The following MTPN variants were observed in gnomAD, a reference collection of about 807,000 sequenced individuals.
The protein encoded by MTPN is granule cell differentiation protein.
In MTPN, 2 loss-of-function variants were observed where a neutral mutation model predicts 13.5. The observed-to-expected ratio is 0.15, with a 90% CI of 0.06 to 0.47. MTPN has a LOEUF of 0.47. Among genes scored for constraint, MTPN ranks in the 20% least tolerant of loss-of-function variants. MTPN has a pLI of 0.97. For synonymous variants in MTPN, 46 were observed against 51.7 expected (o/e 0.89, Z 0.48); for missense variants, 79 against 137.9 (o/e 0.57, Z 2.14).
At chr7:135,960,388 T>C (rs1016234811) in intron 1 of MTPN, among the ~76,000 whole-genome samples, 7 of 152,022 alleles carry the variant, frequency 4.6e-5, no homozygotes, top group African/African-American at 1.2e-4. Context: ...CCTTAGGCAA[T>C]AGAGAATATA....
intron 1 of MTPN, among the ~76,000 whole-genome samples, chr7:135,953,955 T>C (rs931204957): frequency 2.0e-5 from 3 of 152,204 alleles, no homozygotes; most frequent in Non-Finnish European, 4.4e-5. Context: ...AAGGAATGTA[T>C]AATGTATATA....
chr7:135,937,805 A>G (rs1002474072), intron 3 of MTPN, among the ~76,000 whole-genome samples: 4 of 152,320 alleles, frequency 2.6e-5, no homozygotes, highest in South Asian at 4.1e-4. Context: ...TACTTGAAGC[A>G]AAGAAAATGA....
intron 3 of MTPN, among the ~76,000 whole-genome samples, chr7:135,943,128 CA>C (rs1199557940): frequency 6.6e-6 from 1 of 152,092 alleles, no homozygotes; most frequent in Admixed American, 6.6e-5. Flanking sequence ...TTTTGAAACC[CA>C]ACTTGACCAT....
chr7:135,936,402 T>C (rs1223881717), intron 3 of MTPN, among the ~76,000 whole-genome samples: 1 of 152,174 alleles, frequency 6.6e-6, no homozygotes, highest in Non-Finnish European at 1.5e-5. Context: ...GAAGAATCGC[T>C]TGAACCCAGG....
intron 1 of MTPN, among the ~76,000 whole-genome samples, chr7:135,969,093 G>GA (rs1271345340): frequency 1.8e-5 from 2 of 108,598 alleles, no homozygotes; most frequent in African/African-American, 3.4e-5. Context: ...TGGGGTGGGG[G>GA]GGGGGGAGGA....
intron 1 of MTPN, among the ~76,000 whole-genome samples, chr7:135,971,535 C>T (rs1799693696): frequency 6.6e-6 from 1 of 152,178 alleles, no homozygotes; most frequent in Non-Finnish European, 1.5e-5. Flanking sequence ...GCTTTTGAAA[C>T]TCCTTCAGAA....
intron 3 of MTPN, among the ~76,000 whole-genome samples, chr7:135,941,365 C>T (rs1799206626): frequency 2.0e-5 from 2 of 98,804 alleles, no homozygotes; most frequent in South Asian, 3.1e-4. Context: ...CTATCTGCAC[C>T]ACTCTGCTTC....
At chr7:135,933,600 C>T (rs1799063761) in intron 3 of MTPN, among the ~76,000 whole-genome samples, 1 of 152,110 alleles carries the variant, frequency 6.6e-6, no homozygotes, top group South Asian at 2.1e-4. Context: ...GTAAATACTG[C>T]TCTTGGTGGC....
chr7:135,951,401 G>A, intron 2 of MTPN, 116 bp downstream of exon 2: 1 of 531,208 alleles, frequency 1.9e-6, no homozygotes. Flanking sequence ...ATTTCAGACT[G>A]TATTCTTATT....
rs1365175818 is a variant in MTPN, at chr7:135,928,012, C to T, written c.*1914G>A. On this transcript the variant is annotated 3_prime_UTR_variant, in exon 4 of 4. Transcript: ENST00000393085. ...AGAGGTGAAAACAAAGGTATCAAAA[C>T]ACCCTGTTGCACTACGTTGATAGTT... is the stretch of plus-strand genomic sequence containing the variant. The T allele has an allele frequency of 3.8e-6, 1 of 266,664 alleles. No homozygotes were observed. Among genetic ancestry groups the T allele is most frequent in the Non-Finnish European group, 7.8e-6 (1 of 128,204 alleles). The allele number at this position is 266,664 out of a possible 1,614,324, so 16.5% of individuals were successfully genotyped here. A position where few individuals can be genotyped will look rare whatever the true frequency, so the allele number is the denominator to read the frequency against.
intron 1 of MTPN, among the ~76,000 whole-genome samples, chr7:135,954,421 A>C (rs1329514317): frequency 6.6e-6 from 1 of 152,252 alleles, no homozygotes; most frequent in African/African-American, 2.4e-5. Context: ...GCGAACTAGC[A>C]TACCACCTTA....
At chr7:135,935,994 T>C (rs192996935) in intron 3 of MTPN, among the ~76,000 whole-genome samples, 2 of 152,258 alleles carry the variant, frequency 1.3e-5, no homozygotes, top group South Asian at 2.1e-4. Context: ...AAGACCACAA[T>C]TGCCCTCTTC....
intron 1 of MTPN, among the ~76,000 whole-genome samples, chr7:135,975,654 C>A (rs1160059777): frequency 6.6e-6 from 1 of 152,200 alleles, no homozygotes; most frequent in African/African-American, 2.4e-5. Flanking sequence ...AGCCCACTTA[C>A]TTCCAGAGTA....
At chr7:135,941,478 C>T (rs1441847065) in intron 3 of MTPN, among the ~76,000 whole-genome samples, 4 of 145,094 alleles carry the variant, frequency 2.8e-5, no homozygotes, top group Admixed American at 2.7e-4. Flanking sequence ...TTTAACTTTT[C>T]CAAAAATTCA....
intron 1 of MTPN, among the ~76,000 whole-genome samples, chr7:135,958,565 C>G (rs1799477955): frequency 6.6e-6 from 1 of 152,148 alleles, no homozygotes; most frequent in Non-Finnish European, 1.5e-5. Context: ...CAATTCAGAA[C>G]CTTGCTGATC....
At chr7:135,958,911 A>G (rs1216346294) in intron 1 of MTPN, among the ~76,000 whole-genome samples, 1 of 152,166 alleles carries the variant, frequency 6.6e-6, no homozygotes, top group African/African-American at 2.4e-5. Context: ...ATAACAGTCT[A>G]GAAACTTCAA....
chr7:135,944,357 A>G (rs925602067), intron 3 of MTPN, among the ~76,000 whole-genome samples: 3 of 152,092 alleles, frequency 2.0e-5, no homozygotes, highest in African/African-American at 4.8e-5. Flanking sequence ...CTTCAATATT[A>G]TATGTATTAT....
intron 1 of MTPN, among the ~76,000 whole-genome samples, chr7:135,958,531 T>C (rs1207401653): frequency 2.0e-5 from 3 of 152,166 alleles, no homozygotes; most frequent in African/African-American, 7.2e-5. Context: ...GCCCAACCTA[T>C]AACTGAGTAT....
At chr7:135,963,739 T>G (rs545001706) in intron 1 of MTPN, among the ~76,000 whole-genome samples, 1 of 152,228 alleles carries the variant, frequency 6.6e-6, no homozygotes, top group South Asian at 2.1e-4. Flanking sequence ...ACATTTGTTA[T>G]GTATTCTTAT....
Sources: allele counts gnomAD v4.1 joint callset (sites outside exome capture counted in the v4.1 genomes callset), GRCh38; gene constraint gnomAD v4.1.1; transcripts MANE v1.5; gene names NCBI Gene and HGNC (gene_info 2026-07-23, HGNC 2026-07-21).